ACSF3: variants seen among roughly 807,000 people sequenced by gnomAD.
ACSF3 encodes malonate--CoA ligase ACSF3, mitochondrial.
Under a neutral mutation model 53.2 loss-of-function variants are expected in ACSF3, and 78 were observed. The observed-to-expected ratio is 1.47, with a 90% confidence interval of 1.22 to 1.77. The LOEUF (loss-of-function observed/expected upper bound fraction) is 1.77. ACSF3 is among the 40% of genes most tolerant of loss of function. The pLI is 0.00. For missense variants in ACSF3, 937 were observed against 771.1 expected, an observed-to-expected ratio of 1.22 and a Z score of -2.55; for synonymous variants, 414 against 333.1, an observed-to-expected ratio of 1.24 and a Z score of -2.65.
At chr16:89,139,102 T>G (rs11076770) in intron 8 of ACSF3, among the ~76,000 whole-genome samples, 1 of 152,110 alleles carries the variant, frequency 6.6e-6, no homozygotes, top group African/African-American at 2.4e-5. Flanking sequence ...CAGTCCCGTA[T>G]GGCATCTGCA....
At chr16:89,126,026 T>C (rs74659655) in intron 7 of ACSF3, among the ~76,000 whole-genome samples, 67 of 4,722 alleles carry the variant, frequency 0.014, no homozygotes, top group African/African-American at 0.054. Flanking sequence ...CACGGTATGT[T>C]TCTCCATTTA....
chr16:89,142,248 C>T (rs1381828161), intron 8 of ACSF3, among the ~76,000 whole-genome samples: 3 of 152,152 alleles, frequency 2.0e-5, no homozygotes, highest in South Asian at 2.1e-4. Flanking sequence ...GCTGCCCCCA[C>T]CAGTCCTTCC....
At chr16:89,111,409 G>A (rs1414657520) in intron 4 of ACSF3, among the ~76,000 whole-genome samples, 1 of 152,248 alleles carries the variant, frequency 6.6e-6, no homozygotes, top group African/African-American at 2.4e-5. Flanking sequence ...CGCCGTGTGG[G>A]CGAGATCTGT....
chr16:89,141,724 G>A (rs1294842130), intron 8 of ACSF3, among the ~76,000 whole-genome samples: 2 of 152,206 alleles, frequency 1.3e-5, no homozygotes, highest in Non-Finnish European at 2.9e-5. Flanking sequence ...ACACTGGAGT[G>A]GGGAGCCGGC....
intron 4 of ACSF3, among the ~76,000 whole-genome samples, 153 bp downstream of exon 4, chr16:89,102,912 T>A (rs1465721230): frequency 1.3e-5 from 2 of 152,200 alleles, no homozygotes; most frequent in Admixed American, 6.5e-5. Flanking sequence ...CATCTTTTCC[T>A]GGTGTGCAGT....
At chr16:89,135,274 C>T (rs554655824) in intron 8 of ACSF3, among the ~76,000 whole-genome samples, 18 of 152,354 alleles carry the variant, frequency 1.2e-4, no homozygotes, top group Non-Finnish European at 2.2e-4. Context: ...GGGATGGGCT[C>T]CTTGAGGGAT....
chr16:89,103,128 T>C (rs1975566096), intron 4 of ACSF3, among the ~76,000 whole-genome samples: 1 of 152,254 alleles, frequency 6.6e-6, no homozygotes, highest in Admixed American at 6.5e-5. Flanking sequence ...TCAAAATACC[T>C]TCCGGTACTG....
At chr16:89,105,320 T>C (rs889603157) in intron 4 of ACSF3, among the ~76,000 whole-genome samples, 5 of 152,092 alleles carry the variant, frequency 3.3e-5, no homozygotes, top group African/African-American at 1.2e-4. Flanking sequence ...CTGGTAGGGA[T>C]CTGGCTCAGT....
At chr16:89,116,616 A>C (rs1232693956) in intron 6 of ACSF3, among the ~76,000 whole-genome samples, 1 of 152,192 alleles carries the variant, frequency 6.6e-6, no homozygotes, top group African/African-American at 2.4e-5. Context: ...CAGAGCTGCC[A>C]GTGGGGTGGC....
Position 89,154,807 on chromosome 16 carries a change from G to A in ACSF3, c.*600G>A, listed in dbSNP as rs1567759128. On this transcript the variant is annotated 3_prime_UTR_variant, in exon 11 of 11. Transcript: ENST00000614302. ...CCACTGTGGGGACACCTGCCACCCT[G>A]CACACTACTGTGTGTCCATCAGCAT... is the stretch of plus-strand genomic sequence containing the variant. The A allele has an allele frequency of 2.2e-6, 1 of 454,130 alleles. No individual in the cohort carries two copies. Among genetic ancestry groups the A allele is most frequent in the African/African-American group, 2.0e-5 (1 of 50,120 alleles). The allele number at this position is 454,130 out of a possible 1,614,324, so 28.1% of individuals were successfully genotyped here.
At chr16:89,114,271 A>C in intron 5 of ACSF3, 68 bp from the exon 6 acceptor site, 1 of 1,606,000 alleles carries the variant, frequency 6.2e-7, no homozygotes, top group South Asian at 1.1e-5. Context: ...GAGGGGCTAA[A>C]CCTGCCACCT....
chr16:89,137,335 C>T (rs1291372120), intron 8 of ACSF3, among the ~76,000 whole-genome samples: 2 of 147,426 alleles, frequency 1.4e-5, no homozygotes, highest in Non-Finnish European at 3.0e-5. Context: ...GGGGAAGAGC[C>T]CCGGGTCTCG....
At chr16:89,153,503 G>C (rs538162345) in intron 10 of ACSF3, 1 of 154,260 alleles carries the variant, frequency 6.5e-6, no homozygotes, top group Non-Finnish European at 1.4e-5. Flanking sequence ...CCATGAGGAA[G>C]GGGGACCCTG....
intron 8 of ACSF3, among the ~76,000 whole-genome samples, chr16:89,138,006 T>C (rs972363683): frequency 2.0e-5 from 3 of 152,184 alleles, no homozygotes; most frequent in Non-Finnish European, 4.4e-5. Context: ...TCTGGGCCAG[T>C]GGCAAAGGGT....
chr16:89,154,273 G>T lies in ACSF3; in HGVS notation c.*66G>T, dbSNP rs146927450. 1,570 of 1,491,708 alleles carry T rather than the reference G, an allele frequency of 1.1e-3. 6 individuals are homozygous for T. In the African/African-American group the frequency reaches 0.017, roughly 16 times the overall value. 92.4% of individuals were successfully genotyped at this position (1,491,708 alleles called of 1,614,324 possible). A position where few individuals can be genotyped will look rare whatever the true frequency, so the allele number is the denominator to read the frequency against. On this transcript the variant is annotated 3_prime_UTR_variant, in exon 11 of 11. Transcript: ENST00000614302. ...ACGTCCCCTTCACACCGAGAACCAC[G>T]GGGGCCCGTCCAAGACCTGGCCTCC...
intron 10 of ACSF3, chr16:89,150,692 G>C: frequency 3.2e-6 from 1 of 315,390 alleles, no homozygotes; most frequent in Non-Finnish European, 6.2e-6. Context: ...GGACTGGGCA[G>C]GGAAGGCCAC....
intron 4 of ACSF3, among the ~76,000 whole-genome samples, chr16:89,109,811 T>A (rs1976476835): frequency 6.6e-6 from 1 of 152,238 alleles, no homozygotes; most frequent in Admixed American, 6.5e-5. Context: ...GGCCTCACAC[T>A]CCTGAGCTCA....
intron 8 of ACSF3, among the ~76,000 whole-genome samples, chr16:89,144,512 G>A (rs961540654): frequency 2.0e-5 from 3 of 152,222 alleles, no homozygotes; most frequent in African/African-American, 7.2e-5. Flanking sequence ...CAGAGGGGCT[G>A]GGCATTCACT....
Position 89,101,491 on chromosome 16 carries a change from G to C in ACSF3, c.666+144G>C, listed in dbSNP as rs138646901. 3.5e-4 allele frequency: 521 copies of C among 1,504,156 alleles called. 2 individuals are homozygous for C. The African/African-American group carries it at 6.1e-3, about 18-fold the overall frequency. The allele number at this position is 1,504,156 out of a possible 1,614,324, so 93.2% of individuals were successfully genotyped here. A position where few individuals can be genotyped will look rare whatever the true frequency, so the allele number is the denominator to read the frequency against. ...TCCTGCAGACCCGTGTGAGATACAG[G>C]GACGCAGGCCCTCGGGGTGTGGCCG... is the stretch of plus-strand genomic sequence containing the variant. On this transcript the variant is annotated intron_variant, in intron 3 of 10. Transcript: ENST00000614302.
Sources: gnomAD v4.1 joint callset for allele counts (sites outside exome capture counted in the v4.1 genomes callset) on GRCh38, gnomAD v4.1.1 for gene constraint, MANE v1.5 for transcripts, NCBI Gene and HGNC (gene_info 2026-07-23, HGNC 2026-07-21) for gene names.